APOL5: variants seen among roughly 807,000 people sequenced by gnomAD.
APOL5 encodes the protein apolipoprotein L, 5.
Under a neutral mutation model 35.5 loss-of-function variants are expected in APOL5, and 29 were observed. The ratio of observed to expected loss-of-function variants is 0.82; its 90% confidence interval spans 0.61 to 1.11. The LOEUF (loss-of-function observed/expected upper bound fraction) is 1.11, where lower values mean the gene tolerates loss of function less well. APOL5 is among the 50% of genes most tolerant of loss of function. APOL5 has a pLI of 0.00. For synonymous variants in APOL5, 188 were observed against 200.2 expected, an observed-to-expected ratio of 0.94 and a Z score of 0.51; for missense variants, 514 against 530.4, an observed-to-expected ratio of 0.97 and a Z score of 0.30.
rs1394128353 is a variant in APOL5, at chr22:35,728,774, G to T, written c.1178G>T (p.Gly393Val). 1 of 1,613,612 alleles carries T rather than the reference G, an allele frequency of 6.2e-7. No homozygotes were observed. Among genetic ancestry groups the T allele is most frequent in the South Asian group, 1.1e-5 (1 of 90,882 alleles). Residue 393 changes from glycine (G) to valine (V), a missense_variant, in exon 4 of 5, where the codon GGC (glycine) becomes GTC (valine). Coordinates refer to ENST00000249044, the MANE Select transcript of APOL5 (RefSeq NM_030642.1). ...GTTGTGGAGCACCAGCCTAGGCTGG[G>T]CCCTGGCGTGGCACTGAGGACACCA... ...WPVVEHQPRL[G>V]PGVALRTPKR...
Position 35,726,261 on chromosome 22 carries a change from A to G in APOL5, c.193A>G (p.Thr65Ala), listed in dbSNP as rs781510344. The change falls in exon 3 of 5, where the codon ACT (threonine) becomes GCT (alanine). Residue 65 changes from threonine (T) to alanine (A), a missense_variant. Physicochemically the swap from Thr to Ala is moderately conservative, Grantham distance 58 (BLOSUM62 0). This residue lies in a region of APOL5 where 254 missense variants were observed against 254.7 expected (regional missense o/e 1.00). Coordinates refer to ENST00000249044, the MANE Select transcript of APOL5 (RefSeq NM_030642.1). ...TTGGAAAATTAACAATTTGATGTCA[A>G]CTGTCCACAGTGATGAGGCTGGTAT... ...QSWKINNLMS[T>A]VHSDEAGMLS... 1.1e-5 allele frequency: 18 copies of G among 1,613,594 alleles called. No homozygotes were observed. The highest frequency in any genetic ancestry group is 2.7e-5 in the African/African-American group (2 of 74,928).
upstream of APOL5, among the ~76,000 whole-genome samples, chr22:35,716,130 A>G (rs541616791): frequency 9.2e-5 from 14 of 152,344 alleles, no homozygotes; most frequent in South Asian, 2.7e-3. Flanking sequence ...CAATATTAAC[A>G]TTTAACAGTA....
chr22:35,717,766 A>ATGG, upstream of APOL5: 1 of 434,350 alleles, frequency 2.3e-6, no homozygotes, highest in Non-Finnish European at 3.3e-6. Context: ...AAGAAAAGAA[A>ATGG]AGAAAAAAAA....
upstream of APOL5, chr22:35,717,831 A>G (rs757825632): frequency 6.9e-7 from 1 of 1,455,426 alleles, no homozygotes; most frequent in East Asian, 2.5e-5. Context: ...AGTCATATTT[A>G]TTAATCATAT....
the APOL5 span, among the ~76,000 whole-genome samples, chr22:35,711,714 C>T: frequency 1.4e-5 from 2 of 140,370 alleles, no homozygotes; most frequent in East Asian, 2.4e-4. Context: ...TTGCTCTTGT[C>T]GCCCAGGCTG....
intron 3 of APOL5, among the ~76,000 whole-genome samples, chr22:35,728,143 A>G (rs1927235857): frequency 6.6e-6 from 1 of 152,224 alleles, no homozygotes; most frequent in Admixed American, 6.5e-5. Flanking sequence ...AAAAATACTG[A>G]TGAGTGGGTG....
rs769092389 is a variant in APOL5 at position 35,726,299 on chromosome 22, T to A, written c.231T>A (p.Phe77Leu). 4.5e-5 allele frequency: 73 copies of A among 1,614,096 alleles called. No individual in the cohort carries two copies. Among genetic ancestry groups the A allele is most frequent in the Non-Finnish European group, 5.9e-5 (70 of 1,180,046 alleles). Reference sequence around the variant, plus strand: ...ATGAGGCTGGTATGCTGTCCTACTTTCTGTTTGAAGAGCTGATGCGATGTG... The same window carrying A: ...ATGAGGCTGGTATGCTGTCCTACTTACTGTTTGAAGAGCTGATGCGATGTG... ...HSDEAGMLSY[F>L]LFEELMRCDK... Residue 77 changes from phenylalanine (F) to leucine (L), a missense_variant, in exon 3 of 5, where the codon TTT becomes TTA. Physicochemically the swap from Phe to Leu is conservative, Grantham distance 22 (BLOSUM62 0). Around this residue, in one of 3 missense-constraint regions of APOL5, gnomAD observed 254 missense variants for 254.7 expected, o/e 1.00. Transcript: ENST00000249044.
At chr22:35,716,559 G>T (rs926074429), upstream of APOL5, among the ~76,000 whole-genome samples, 11 of 152,180 alleles carry the variant, frequency 7.2e-5, 1 homozygote, top group Non-Finnish European at 1.0e-4. Context: ...ACCGTGCCTG[G>T]CTTCTATTGG....
chr22:35,712,422 T>A, the APOL5 span, among the ~76,000 whole-genome samples: 2 of 152,156 alleles, frequency 1.3e-5, no homozygotes, highest in Non-Finnish European at 2.9e-5. Context: ...TCACTATTGT[T>A]GCCCAGGTTG....
chr22:35,724,836 C>T (rs897259140), intron 2 of APOL5, among the ~76,000 whole-genome samples: 9 of 152,128 alleles, frequency 5.9e-5, no homozygotes. Flanking sequence ...GTCTTGACCT[C>T]CTGACCTCAG....
chr22:35,713,702 G>C (rs1249285658), upstream of APOL5, among the ~76,000 whole-genome samples: 1 of 152,140 alleles, frequency 6.6e-6, no homozygotes, highest in Non-Finnish European at 1.5e-5. Flanking sequence ...GATCCTCAGA[G>C]ATACCATGAC....
Position 35,727,146 on chromosome 22 carries a change from A to G in APOL5, c.1078A>G (p.Ser360Gly). Residue 360 changes from serine (S) to glycine (G), a missense_variant, in exon 3 of 5, where the codon AGC (serine) becomes GGC (glycine). This residue lies in a region of APOL5 where 238 missense variants were observed against 229.1 expected (regional missense o/e 1.04). Transcript: ENST00000249044. ...LPQKASQTCS[S>G]SRGRAVRGSR... ...GCAGAAGGCGAGCCAGACCTGTTCC[A>G]GCTCCCGGGGCAGGGCTGTTCGAGG... 6.2e-7 allele frequency: 1 copy of G among 1,608,344 alleles called. No individual in the cohort carries two copies. The highest frequency in any genetic ancestry group is 8.5e-7 in the Non-Finnish European group (1 of 1,179,958).
the APOL5 span, among the ~76,000 whole-genome samples, chr22:35,710,483 A>G: frequency 1.3e-5 from 2 of 151,232 alleles, no homozygotes; most frequent in Non-Finnish European, 2.9e-5. Flanking sequence ...ATGTGTATAT[A>G]TATACATATA....
rs532775032 is a variant in APOL5 at position 35,722,171 on chromosome 22, C to A, written c.142+1517C>A. Among the ~76,000 whole-genome samples the A allele has an allele frequency of 1.4e-4, 21 of 152,302 alleles. 1 individual carries two copies. The highest frequency in any genetic ancestry group is 3.3e-4 in the Admixed American group (5 of 15,290). On this transcript the variant is annotated intron_variant, in intron 2 of 4. Coordinates refer to ENST00000249044, the MANE Select transcript of APOL5 (RefSeq NM_030642.1). ...CCGTGTCCTTGACTTTGGCTACTGG[C>A]CAATGCATGCTGCATGGACTGGAGT...
intron 2 of APOL5, 53 bp from the exon 3 acceptor site, chr22:35,726,158 G>A: frequency 6.4e-7 from 1 of 1,560,936 alleles, no homozygotes; most frequent in Non-Finnish European, 8.7e-7. Context: ...TCGATTCTCA[G>A]GGCTCTGCCT....
chr22:35,715,966 A>G (rs980615627), upstream of APOL5, among the ~76,000 whole-genome samples: 5 of 152,242 alleles, frequency 3.3e-5, no homozygotes, highest in Non-Finnish European at 7.3e-5. Flanking sequence ...AATAATTAAT[A>G]TGAATATGAA....
chr22:35,722,302 G>C (rs1461719536), intron 2 of APOL5, among the ~76,000 whole-genome samples: 1 of 152,130 alleles, frequency 6.6e-6, no homozygotes, highest in Non-Finnish European at 1.5e-5. Context: ...CAGTGGTTGA[G>C]GCAGACTAGA....
chr22:35,720,361 C>G (rs1926923677), intron 1 of APOL5, among the ~76,000 whole-genome samples: 2 of 152,226 alleles, frequency 1.3e-5, no homozygotes, highest in African/African-American at 4.8e-5. Flanking sequence ...CCTAGTCAAC[C>G]TTGGGCATTC....
At chr22:35,718,126 TA>T (rs1926825321) in intron 1 of APOL5, among the ~76,000 whole-genome samples, 200 bp downstream of exon 1, 1 of 152,238 alleles carries the variant, frequency 6.6e-6, no homozygotes, top group African/African-American at 2.4e-5. Flanking sequence ...CTACATCAAA[TA>T]ACTTCCTTTG....
Sources: allele counts gnomAD v4.1 joint callset (sites outside exome capture counted in the v4.1 genomes callset), GRCh38; gene constraint gnomAD v4.1.1; regional missense constraint gnomAD v4.1.1; transcripts MANE v1.5; gene names NCBI Gene and HGNC (gene_info 2026-07-23, HGNC 2026-07-21).